Variants in FHIT observed in about 807,000 individuals in gnomAD.
The protein encoded by FHIT is fragile histidine triad diadenosine triphosphatase.
Under a neutral mutation model 17.9 loss-of-function variants are expected in FHIT, and 19 were observed. The ratio of observed to expected loss-of-function variants is 1.06; its 90% confidence interval spans 0.74 to 1.56. FHIT has a LOEUF of 1.56. Ranked by LOEUF, FHIT falls within the 40% of genes most tolerant of loss-of-function variation. The pLI is 0.00. For synonymous variants in FHIT, 81 were observed against 69.7 expected, an observed-to-expected ratio of 1.16 and a Z score of -0.81; for missense variants, 248 against 189.2, an observed-to-expected ratio of 1.31 and a Z score of -1.82.
intron 8 of FHIT, among the ~76,000 whole-genome samples, chr3:59,853,698 G>A (rs927334391): frequency 1.3e-5 from 2 of 152,096 alleles, no homozygotes; most frequent in African/African-American, 4.8e-5. Flanking sequence ...GTGCATGTGT[G>A]TGTGTGACAG....
chr3:61,098,462 T>C (rs1290248225), intron 2 of FHIT, among the ~76,000 whole-genome samples: 2 of 152,186 alleles, frequency 1.3e-5, no homozygotes, highest in Non-Finnish European at 2.9e-5. Flanking sequence ...AATTTTAAAA[T>C]AGTTTGTTTC....
intron 5 of FHIT, among the ~76,000 whole-genome samples, chr3:60,306,099 T>C (rs903018017): frequency 1.3e-5 from 2 of 152,136 alleles, no homozygotes; most frequent in Non-Finnish European, 2.9e-5. Context: ...GTGGTATGTC[T>C]TCATGAGGGG....
intron 1 of FHIT, among the ~76,000 whole-genome samples, chr3:61,243,349 C>T (rs559466765): frequency 2.6e-5 from 4 of 152,092 alleles, no homozygotes; most frequent in African/African-American, 9.7e-5. Flanking sequence ...CTTTTCAGTG[C>T]CCCAGGAGCA....
chr3:60,503,982 A>C (rs35122152), intron 5 of FHIT, among the ~76,000 whole-genome samples: 32,231 of 151,956 alleles, frequency 0.21, 4,341 homozygotes, highest in African/African-American at 0.37. Context: ...AATAAGCCTT[A>C]TTTTACGTAT....
chr3:60,844,449 G>A (rs556923660), intron 3 of FHIT, among the ~76,000 whole-genome samples: 1 of 151,986 alleles, frequency 6.6e-6, no homozygotes, highest in Non-Finnish European at 1.5e-5. Flanking sequence ...GTAAAGGCCC[G>A]ATGATAAAAC....
chr3:61,122,789 A>G (rs1388061891), intron 2 of FHIT, among the ~76,000 whole-genome samples: 2 of 152,244 alleles, frequency 1.3e-5, no homozygotes, highest in African/African-American at 4.8e-5. Context: ...AATGCAAACC[A>G]AAACCACAAT....
At chr3:60,873,312 C>T (rs950306455) in intron 3 of FHIT, among the ~76,000 whole-genome samples, 3 of 152,174 alleles carry the variant, frequency 2.0e-5, no homozygotes, top group African/African-American at 7.2e-5. Flanking sequence ...TGATAACCAC[C>T]TATGGCTCTC....
At chr3:59,926,554 A>C (rs891628015) in intron 7 of FHIT, among the ~76,000 whole-genome samples, 2 of 152,220 alleles carry the variant, frequency 1.3e-5, no homozygotes, top group African/African-American at 4.8e-5. Context: ...GAAGAGAAGC[A>C]GGACTCAATT....
chr3:60,794,923 A>G (rs926107364), intron 4 of FHIT, among the ~76,000 whole-genome samples: 3 of 152,214 alleles, frequency 2.0e-5, no homozygotes, highest in Non-Finnish European at 4.4e-5. Context: ...TTCAAAAAGT[A>G]CAAAAGGGCA....
chr3:60,317,700 GGA>G (rs1423720283), intron 5 of FHIT, among the ~76,000 whole-genome samples: 1 of 148,592 alleles, frequency 6.7e-6, no homozygotes, highest in Non-Finnish European at 1.5e-5. Flanking sequence ...ACAACAAGTA[GGA>G]GAGACTGTCA....
Position 59,749,314 on chromosome 3 carries a change from A to T in FHIT, c.*271T>A, listed in dbSNP as rs143487267. 106 of 231,088 alleles carry T rather than the reference A, an allele frequency of 4.6e-4. No individual in the cohort carries two copies. Among genetic ancestry groups the T allele is most frequent in the Admixed American group, 7.9e-4 (14 of 17,684 alleles). The allele number at this position is 231,088 out of a possible 1,614,324, so 14.3% of individuals were successfully genotyped here. A position where few individuals can be genotyped will look rare whatever the true frequency, so the allele number is the denominator to read the frequency against. The stretch of plus-strand genomic sequence containing the variant: ...TCAATACACCGAGACACAGGGTTGC[A>T]GCAGAGAAGGAAGTTTAATCATAAG... On this transcript the variant is annotated 3_prime_UTR_variant, in exon 10 of 10. Coordinates refer to ENST00000492590, the MANE Select transcript of FHIT (RefSeq NM_002012.4).
At chr3:60,188,134 C>T (rs1019703327) in intron 5 of FHIT, among the ~76,000 whole-genome samples, 2 of 149,330 alleles carry the variant, frequency 1.3e-5, no homozygotes, top group Non-Finnish European at 3.0e-5. Flanking sequence ...TTTCTGATTT[C>T]AACATAGTAC....
At chr3:60,557,252 C>G (rs1317582964) in intron 4 of FHIT, among the ~76,000 whole-genome samples, 1 of 152,118 alleles carries the variant, frequency 6.6e-6, no homozygotes, top group African/African-American at 2.4e-5. Context: ...GATTTGTACC[C>G]AGGTATGTGA....
intron 3 of FHIT, among the ~76,000 whole-genome samples, chr3:61,033,276 G>T (rs1245441113): frequency 6.6e-6 from 1 of 152,106 alleles, no homozygotes; most frequent in East Asian, 1.9e-4. Context: ...CCAGTTATTT[G>T]TTTACATATT....
chr3:59,760,717 A>C (rs1175899880), intron 8 of FHIT, among the ~76,000 whole-genome samples: 1 of 152,218 alleles, frequency 6.6e-6, no homozygotes, highest in Admixed American at 6.5e-5. Flanking sequence ...ACTTCCTGTC[A>C]GGGAGACCAT....
At chr3:60,173,929 T>TTTTTTTTTTTTTTG (rs1701550528) in intron 5 of FHIT, among the ~76,000 whole-genome samples, 1 of 94,158 alleles carries the variant, frequency 1.1e-5, no homozygotes, top group Non-Finnish European at 2.1e-5. Flanking sequence ...TTTTTTTTTT[T>TTTTTTTTTTTTTTG]TTTGAGATCG....
chr3:60,735,606 C>A (rs2107997673), intron 4 of FHIT, among the ~76,000 whole-genome samples: 1 of 152,308 alleles, frequency 6.6e-6, no homozygotes, highest in Non-Finnish European at 1.5e-5. Context: ...CAAAGTGAGA[C>A]CATGCCTATG....
chr3:60,477,078 A>C (rs188420059), intron 5 of FHIT, among the ~76,000 whole-genome samples: 1 of 152,190 alleles, frequency 6.6e-6, no homozygotes, highest in Admixed American at 6.6e-5. Flanking sequence ...GTATTATAAT[A>C]TCATATTCAA....
intron 2 of FHIT, among the ~76,000 whole-genome samples, chr3:61,092,817 T>A (rs549177536): frequency 7.9e-5 from 12 of 152,202 alleles, no homozygotes; most frequent in African/African-American, 2.6e-4. Flanking sequence ...TGAGAAAGGA[T>A]TGACAATAAA....
Sources: allele counts gnomAD v4.1 joint callset (sites outside exome capture counted in the v4.1 genomes callset), GRCh38; gene constraint gnomAD v4.1.1; transcripts MANE v1.5; gene names NCBI Gene and HGNC (gene_info 2026-07-23, HGNC 2026-07-21).